Variants in PCDHGB5 observed in about 807,000 individuals in gnomAD.
The protein encoded by PCDHGB5 is protocadherin gamma subfamily B, 5.
In PCDHGB5, 48 loss-of-function variants were observed where a neutral mutation model predicts 62.9. The ratio of observed to expected loss-of-function variants is 0.76; its 90% confidence interval spans 0.61 to 0.97. PCDHGB5 has a LOEUF of 0.97. Among genes scored for constraint, PCDHGB5 ranks in the 50% least tolerant of loss-of-function variants. PCDHGB5 has a pLI of 0.00. For missense variants in PCDHGB5, 1,118 were observed against 1,198.6 expected (o/e 0.93, Z 0.99); for synonymous variants, 474 against 511.2 (o/e 0.93, Z 0.98).
At chr5:141,413,117 C>T (rs902301902) in intron 1 of PCDHGB5, 42 of 1,509,002 alleles carry the variant, frequency 2.8e-5, no homozygotes, top group Non-Finnish European at 3.6e-5. Flanking sequence ...ACAAAGGAAC[C>T]GGTTGAAACA....
chr5:141,496,981 T>A (rs928774783), intron 2 of PCDHGB5, among the ~76,000 whole-genome samples: 1 of 150,304 alleles, frequency 6.7e-6, no homozygotes, highest in African/African-American at 2.5e-5. Context: ...AGGTCAGGGG[T>A]TTGAGACCAG....
In PCDHGB5 at chr5:141,487,476, A is replaced by G; in HGVS notation, c.2398-7331A>G. Reference sequence around the variant, plus strand: ...ATCAAGTTTGTTGATGTGGGAGGCCACTCTCATGGCTGTACACCCTTGGCT... The same window carrying G: ...ATCAAGTTTGTTGATGTGGGAGGCCGCTCTCATGGCTGTACACCCTTGGCT... On this transcript the variant is annotated intron_variant, in intron 1 of 3. Transcript: ENST00000617380. The surrounding 1 kb of genome is among the most constrained non-coding windows in gnomAD (Gnocchi z 5.0). The G allele has an allele frequency of 6.2e-7, 1 of 1,614,004 alleles. No homozygotes were observed. Among genetic ancestry groups the G allele is most frequent in the Non-Finnish European group, 8.5e-7 (1 of 1,180,002 alleles).
rs776189143 is a variant in PCDHGB5, at chr5:141,422,957, A to G, written c.2397+22433A>G. 11 of 1,614,190 alleles carry G rather than the reference A, an allele frequency of 6.8e-6. 1 individual carries two copies. The South Asian group carries it at 7.7e-5, about 11-fold the overall frequency. Reference sequence around the variant, plus strand: ...CCCACAGACGGCTCCACTGGCGTGGAGCTGGCGCCCCGCTCTGCGGAACCT... The same window carrying G: ...CCCACAGACGGCTCCACTGGCGTGGGGCTGGCGCCCCGCTCTGCGGAACCT... On this transcript the variant is annotated intron_variant, in intron 1 of 3. Coordinates refer to ENST00000617380, the MANE Select transcript of PCDHGB5 (RefSeq NM_018925.3).
intron 1 of PCDHGB5, chr5:141,415,448 C>T (rs2095870056): frequency 6.2e-7 from 1 of 1,614,052 alleles, no homozygotes; most frequent in African/African-American, 1.3e-5. Flanking sequence ...CAGACCTATT[C>T]CCACGAGGTC....
At position 141,476,477 on chromosome 5, in the gene PCDHGB5, G is replaced by A; in HGVS notation, c.2398-18330G>A. 1.2e-6 allele frequency: 2 copies of A among 1,614,078 alleles called. No individual in the cohort carries two copies. Among genetic ancestry groups the A allele is most frequent in the South Asian group, 1.1e-5 (1 of 91,070 alleles). ...GGAGAACCCGCTGGAGCTGTTCAGC[G>A]TGGAAGTGGTGATCCAGGACATCAA... On this transcript the variant is annotated intron_variant, in intron 1 of 3. Transcript: ENST00000617380. This position sits in a 1 kb window ranked among gnomAD's most constrained non-coding sequence, Gnocchi z 7.6.
At chr5:141,414,678 G>A (rs1276367800) in intron 1 of PCDHGB5, 14 of 1,613,856 alleles carry the variant, frequency 8.7e-6, no homozygotes, top group African/African-American at 1.3e-5. Context: ...ACACCATCCA[G>A]GGGGTACCTC....
intron 1 of PCDHGB5, among the ~76,000 whole-genome samples, chr5:141,436,848 AT>A (rs1247905529): frequency 6.6e-6 from 1 of 152,244 alleles, no homozygotes; most frequent in African/African-American, 2.4e-5. Flanking sequence ...CACATTCTTG[AT>A]TGAGAAGCCA....
intron 1 of PCDHGB5, chr5:141,423,829 A>G: frequency 7.9e-7 from 1 of 1,268,964 alleles, no homozygotes; most frequent in Non-Finnish European, 9.9e-7. Flanking sequence ...GCCTTTCATG[A>G]GATTACGATA....
intron 2 of PCDHGB5, 58 bp downstream of exon 2, chr5:141,494,923 G>T: frequency 6.2e-7 from 1 of 1,613,698 alleles, no homozygotes; most frequent in Non-Finnish European, 8.5e-7. Context: ...CAGGGATGAC[G>T]TGGGAGGAGA....
At chr5:141,408,956 A>G in intron 1 of PCDHGB5, 1 of 1,613,714 alleles carries the variant, frequency 6.2e-7, no homozygotes, top group Non-Finnish European at 8.5e-7. Flanking sequence ...AATTAGTCTT[A>G]GTGAAAATCT....
Position 141,491,094 on chromosome 5 carries a change from G to T in PCDHGB5, c.2398-3713G>T. ...TGCCACAGTCCACAGCCCCAGGACT[G>T]TTCCTCGTGTCTACACACACTGGTG... On this transcript the variant is annotated intron_variant, in intron 1 of 3. Transcript: ENST00000617380. This position sits in a 1 kb window ranked among gnomAD's most constrained non-coding sequence, Gnocchi z 6.9. The T allele has an allele frequency of 6.2e-7, 1 of 1,614,202 alleles. No homozygotes were observed. The highest frequency in any genetic ancestry group is 1.1e-5 in the South Asian group (1 of 91,086).
intron 1 of PCDHGB5, chr5:141,415,748 T>A: frequency 9.9e-7 from 1 of 1,008,964 alleles, no homozygotes; most frequent in Non-Finnish European, 1.2e-6. Context: ...AGGTTTTTTT[T>A]TTTTTTTTTT....
chr5:141,490,936 C>T lies in PCDHGB5; in HGVS notation c.2398-3871C>T. 6.2e-7 allele frequency: 1 copy of T among 1,613,694 alleles called. No individual in the cohort carries two copies. On this transcript the variant is annotated intron_variant, in intron 1 of 3. Transcript: ENST00000617380. The surrounding 1 kb of genome is among the most constrained non-coding windows in gnomAD (Gnocchi z 5.4). ...GAATGATAATGCCCCAGCTGTGCTG[C>T]ACCCACGGCCAGACTGGGAACACTC...
rs2154586748 is a variant in PCDHGB5 at position 141,491,733 on chromosome 5, T to A, written c.2398-3074T>A. The A allele has an allele frequency of 6.2e-7, 1 of 1,602,698 alleles. No individual in the cohort carries two copies. Among genetic ancestry groups the A allele is most frequent in the Non-Finnish European group, 8.5e-7 (1 of 1,175,258 alleles). On this transcript the variant is annotated intron_variant, in intron 1 of 3. Transcript: ENST00000617380. The surrounding 1 kb of genome is among the most constrained non-coding windows in gnomAD (Gnocchi z 6.9). ...GCTCGGCGCCGCCCCGGGCGACCCC[T>A]GGGGGCGGCACTGGAGAAGCCGCCC...
intron 1 of PCDHGB5, among the ~76,000 whole-genome samples, chr5:141,482,828 T>G (rs1274498876): frequency 4.4e-5 from 6 of 135,272 alleles, no homozygotes; most frequent in Non-Finnish European, 9.5e-5. Flanking sequence ...TCCTAGCACT[T>G]TGGGAGGCCA....
At chr5:141,421,762 T>G (rs1272315856) in intron 1 of PCDHGB5, 2 of 1,613,884 alleles carry the variant, frequency 1.2e-6, no homozygotes, top group Non-Finnish European at 8.5e-7. Context: ...TAATAATTAC[T>G]TTTCCTTGCA....
chr5:141,462,911 T>C (rs1263378930), intron 1 of PCDHGB5, among the ~76,000 whole-genome samples: 1 of 152,248 alleles, frequency 6.6e-6, no homozygotes, highest in Non-Finnish European at 1.5e-5. Flanking sequence ...ATTATGTTTT[T>C]TGCAGATCAG....
intron 1 of PCDHGB5, among the ~76,000 whole-genome samples, chr5:141,451,719 TA>T (rs2098722539): frequency 6.6e-6 from 1 of 152,016 alleles, no homozygotes; most frequent in Non-Finnish European, 1.5e-5. Flanking sequence ...CTGCCTCTAC[TA>T]AAAATACAAA....
chr5:141,454,567 C>G (rs572130062), intron 1 of PCDHGB5, among the ~76,000 whole-genome samples: 1 of 150,856 alleles, frequency 6.6e-6, no homozygotes, highest in Non-Finnish European at 1.5e-5. Flanking sequence ...CCACCACGCC[C>G]GGCTAATTTT....
Sources: gnomAD v4.1 joint callset for allele counts (sites outside exome capture counted in the v4.1 genomes callset) on GRCh38, gnomAD v4.1.1 for gene constraint, Gnocchi (gnomAD v3.1) non-coding constraint, MANE v1.5 for transcripts, NCBI Gene and HGNC (gene_info 2026-07-23, HGNC 2026-07-21) for gene names.